PFAS: variants seen among roughly 807,000 people sequenced by gnomAD.
The protein encoded by PFAS is phosphoribosylformylglycinamidine synthase, also known as FGAM synthase.
In PFAS, 97 loss-of-function variants were observed where a neutral mutation model predicts 140.6. That is an observed-to-expected ratio of 0.69 (90% confidence interval 0.59 to 0.82). The LOEUF (loss-of-function observed/expected upper bound fraction) is 0.82, where lower values mean the gene tolerates loss of function less well. PFAS is among the 40% of genes least tolerant of loss of function. PFAS has a pLI of 0.00. For synonymous variants in PFAS, 679 were observed against 718.8 expected (o/e 0.94, Z 0.88); for missense variants, 1,656 against 1,780.2 (o/e 0.93, Z 1.26).
chr17:8,253,431 T>G (rs1312749866), intron 1 of PFAS, among the ~76,000 whole-genome samples: 1 of 152,224 alleles, frequency 6.6e-6, no homozygotes, highest in African/African-American at 2.4e-5. Flanking sequence ...TCAGGTTACC[T>G]TGTTTCTCTA....
In PFAS at chr17:8,267,442, C is replaced by G; in HGVS notation, c.3246C>G (p.Ala1082=). ...ATGGAGACCGGGAGATGGCCGATGCCTTCCACTTAGCTGGGTTTGAGGTGA... is the reference window on the plus strand; with the variant it reads ...ATGGAGACCGGGAGATGGCCGATGCGTTCCACTTAGCTGGGTTTGAGGTGA... ...GSNGDREMAD[A]FHLAGFEVWD... is the part of the protein sequence containing the mutation. Residue 1082 remains alanine, a synonymous_variant, in exon 25 of 28, where the codon GCC becomes GCG. Transcript: ENST00000314666. The surrounding 1 kb of genome is among the most constrained non-coding windows in gnomAD (Gnocchi z 4.9). 6.2e-7 allele frequency: 1 copy of G among 1,614,108 alleles called. No individual in the cohort carries two copies. Among genetic ancestry groups the G allele is most frequent in the Non-Finnish European group, 8.5e-7 (1 of 1,179,962 alleles).
At chr17:8,256,476 G>T in intron 7 of PFAS, 48 bp from the exon 8 acceptor site, 1 of 1,613,916 alleles carries the variant, frequency 6.2e-7, no homozygotes, top group Non-Finnish European at 8.5e-7. Flanking sequence ...GGTTGGGTTA[G>T]TGTAGGTCCC....
upstream of PFAS, chr17:8,247,987 G>T (rs1988911087): frequency 3.9e-6 from 6 of 1,557,846 alleles, no homozygotes; most frequent in Non-Finnish European, 5.2e-6. Flanking sequence ...AACAAGAGAC[G>T]TAATAGCAGC....
At chr17:8,258,830 T>TA (rs1214017422) in intron 11 of PFAS, among the ~76,000 whole-genome samples, 2 of 151,416 alleles carry the variant, frequency 1.3e-5, no homozygotes, top group East Asian at 1.9e-4. Context: ...ACTAAAAAAA[T>TA]AAAAAAATTA....
rs35050039 is a variant in PFAS at position 8,267,560 on chromosome 17, G to A, written c.3277G>A (p.Val1093Met). The change falls in exon 26 of 28, where the codon GTG becomes ATG. Residue 1093 changes from valine (V) to methionine (M), a missense_variant. Val to Met is a conservative substitution (Grantham distance 21). Coordinates refer to ENST00000314666, the MANE Select transcript of PFAS (RefSeq NM_012393.3). This position sits in a 1 kb window ranked among gnomAD's most constrained non-coding sequence, Gnocchi z 4.9. ...CTCCCCACCTTCGCAGGTATGGGAC[G>A]TGACCATGCAGGACCTCTGCTCTGG... ...FHLAGFEVWD[V>M]TMQDLCSGAI... 71 of 1,610,228 alleles carry A rather than the reference G, an allele frequency of 4.4e-5. No individual in the cohort carries two copies. Among genetic ancestry groups the A allele is most frequent in the Middle Eastern group, 1.6e-4 (1 of 6,082 alleles).
chr17:8,265,474 G>T lies in PFAS; in HGVS notation c.2461+6G>T. ...TGAGACCGTGCGGGCTCCTGGTGAG[G>T]TGTGGGAGCCCCAGGGAGGGGAGGA... On this transcript the variant is annotated splice_donor_region_variant and intron_variant, in intron 19 of 27. Coordinates refer to ENST00000314666, the MANE Select transcript of PFAS (RefSeq NM_012393.3). 6.2e-7 allele frequency: 1 copy of T among 1,613,526 alleles called. No individual in the cohort carries two copies. Among genetic ancestry groups the T allele is most frequent in the Non-Finnish European group, 8.5e-7 (1 of 1,179,504 alleles).
Position 8,256,247 on chromosome 17 carries a change from C to T in PFAS, c.681-20C>T, listed in dbSNP as rs753116264. 4.3e-6 allele frequency: 7 copies of T among 1,611,348 alleles called. No homozygotes were observed. The highest frequency in any genetic ancestry group is 5.9e-6 in the Non-Finnish European group (7 of 1,178,814). ...ACCCCGTTTCCACCTGCCTTCCCCT[C>T]CCTGCATCGCCCCCTGCAGCGAGCA... is the stretch of plus-strand genomic sequence containing the variant. On this transcript the variant is annotated intron_variant, in intron 6 of 27. Coordinates refer to ENST00000314666, the MANE Select transcript of PFAS (RefSeq NM_012393.3).
rs375671051 is a variant in PFAS at position 8,263,212 on chromosome 17, C to A, written c.1514C>A (p.Ala505Asp). The A allele has an allele frequency of 6.2e-7, 1 of 1,613,992 alleles. No homozygotes were observed. Among genetic ancestry groups the A allele is most frequent in the Non-Finnish European group, 8.5e-7 (1 of 1,179,922 alleles). Reference sequence around the variant, plus strand: ...CGTGTGATCAGGGCTTGTGTGGAGGCCCCCAAGGGAAACCCCATCTGCAGC... The same window carrying A: ...CGTGTGATCAGGGCTTGTGTGGAGGACCCCAAGGGAAACCCCATCTGCAGC... ...MNRVIRACVE[A>D]PKGNPICSLH... The change falls in exon 13 of 28, where the codon GCC becomes GAC. Residue 505 changes from alanine (A) to aspartate (D), a missense_variant. By Grantham distance (126) the Ala-to-Asp change is moderately radical (BLOSUM62 -2). Coordinates refer to ENST00000314666, the MANE Select transcript of PFAS (RefSeq NM_012393.3).
intron 1 of PFAS, among the ~76,000 whole-genome samples, chr17:8,252,971 G>A (rs1418091455): frequency 6.6e-6 from 1 of 152,166 alleles, no homozygotes; most frequent in African/African-American, 2.4e-5. Flanking sequence ...GAGATTAGTA[G>A]CTCATTCTTG....
At position 8,266,375 on chromosome 17, in the gene PFAS, C is replaced by A. The variant is rs778302612; in HGVS notation, c.2821+22C>A. The stretch of plus-strand genomic sequence containing the variant: ...GATGGTAAGGAACCTGGGGTCTAGT[C>A]TCAGGCCCGGGCTGCCTTCTCTACC... On this transcript the variant is annotated intron_variant, in intron 22 of 27. Transcript: ENST00000314666. This position sits in a 1 kb window ranked among gnomAD's most constrained non-coding sequence, Gnocchi z 5.0. 1 of 1,613,784 alleles carries A rather than the reference C, an allele frequency of 6.2e-7. No individual in the cohort carries two copies. The highest frequency in any genetic ancestry group is 8.5e-7 in the Non-Finnish European group (1 of 1,179,866).
rs758450767 is a variant in PFAS, at chr17:8,266,225, T to G, written c.2702-9T>G. On this transcript the variant is annotated splice_polypyrimidine_tract_variant and intron_variant, in intron 21 of 27. Coordinates refer to ENST00000314666, the MANE Select transcript of PFAS (RefSeq NM_012393.3). The surrounding 1 kb of genome is among the most constrained non-coding windows in gnomAD (Gnocchi z 5.0). The stretch of plus-strand genomic sequence containing the variant: ...CCGAGGTTGCTGAGCTTTCTTCTCC[T>G]TCCTCCAGACCGCCTCCTCTGCTCA... The G allele has an allele frequency of 7.0e-5, 113 of 1,613,588 alleles. 1 individual carries two copies. The South Asian group carries it at 1.2e-3, about 16-fold the overall frequency.
chr17:8,265,371 G>C lies in PFAS; in HGVS notation c.2364G>C (p.Met788Ile). Residue 788 changes from methionine to isoleucine, a missense_variant, in exon 19 of 28, where the codon ATG becomes ATC. Met to Ile is a conservative substitution (Grantham distance 10). Around this residue, in one of 2 missense-constraint regions of PFAS, gnomAD observed 883 missense variants for 1,023.0 expected, o/e 0.86. Coordinates refer to ENST00000314666, the MANE Select transcript of PFAS (RefSeq NM_012393.3). ...GAALADACEA[M>I]VAVMAALGVA... The stretch of plus-strand genomic sequence containing the variant: ...CTTTGGCGGATGCCTGTGAGGCTAT[G>C]GTGGCAGTGATGGCAGCCCTGGGTG... The C allele has an allele frequency of 6.2e-7, 1 of 1,614,204 alleles. No homozygotes were observed. Among genetic ancestry groups the C allele is most frequent in the Non-Finnish European group, 8.5e-7 (1 of 1,180,028 alleles).
rs1313256708 is a variant in PFAS, at chr17:8,267,983, T to A, written c.3382+318T>A. Among the ~76,000 whole-genome samples the A allele has an allele frequency of 6.9e-6, 1 of 144,216 alleles. No individual in the cohort carries two copies. Among genetic ancestry groups the A allele is most frequent in the Non-Finnish European group, 1.5e-5 (1 of 66,132 alleles). 94.6% of individuals were successfully genotyped at this position (144,216 alleles called of 152,430 possible). A position where few individuals can be genotyped will look rare whatever the true frequency, so the allele number is the denominator to read the frequency against. On this transcript the variant is annotated intron_variant, in intron 26 of 27. Transcript: ENST00000314666. The surrounding 1 kb of genome is among the most constrained non-coding windows in gnomAD (Gnocchi z 4.9). The stretch of plus-strand genomic sequence containing the variant: ...ATATATATTATTTATATATATTATT[T>A]ATATATTATTAAAATATATTATTTA...
At position 8,265,431 on chromosome 17, in the gene PFAS, G is replaced by C; in HGVS notation, c.2424G>C (p.Met808Ile). 1 of 1,614,190 alleles carries C rather than the reference G, an allele frequency of 6.2e-7. No individual in the cohort carries two copies. Among genetic ancestry groups the C allele is most frequent in the East Asian group, 2.2e-5 (1 of 44,880 alleles). Reference sequence around the variant, plus strand: ...ATGGTGGCAAGGACTCCCTCAGCATGGCTGCTCGGGTTGGCACTGAGACCG... The same window carrying C: ...ATGGTGGCAAGGACTCCCTCAGCATCGCTGCTCGGGTTGGCACTGAGACCG... ...AVDGGKDSLS[M>I]AARVGTETVR... Residue 808 changes from methionine to isoleucine, a missense_variant, in exon 19 of 28, where the codon ATG (methionine) becomes ATC (isoleucine). By Grantham distance (10) the Met-to-Ile change is conservative. Coordinates refer to ENST00000314666, the MANE Select transcript of PFAS (RefSeq NM_012393.3).
chr17:8,253,785 T>G (rs1989250219), intron 1 of PFAS, 74 bp from the exon 2 acceptor site: 1 of 1,106,756 alleles, frequency 9.0e-7, no homozygotes, highest in Non-Finnish European at 1.2e-6. Context: ...GCAATCCACC[T>G]GCCTCAGTCT....
chr17:8,256,582 C>T lies in PFAS; in HGVS notation c.880C>T (p.Arg294Cys), dbSNP rs548689526. The T allele has an allele frequency of 1.1e-5, 18 of 1,614,186 alleles. No homozygotes were observed. The highest frequency in any genetic ancestry group is 9.3e-5 in the African/African-American group (7 of 75,072). The stretch of plus-strand genomic sequence containing the variant: ...GCCTGAGGACCCCACACGGCCAAGC[C>T]GCTTCCAGCAACAGCAAGGGCTGAG... ...LRPEDPTRPS[R>C]FQQQQGLRHV... The change falls in exon 8 of 28, where the codon CGC (arginine) becomes TGC (cysteine). Residue 294 changes from arginine to cysteine, a missense_variant. This residue lies in a region of PFAS where 773 missense variants were observed against 757.3 expected (regional missense o/e 1.02). Coordinates refer to ENST00000314666, the MANE Select transcript of PFAS (RefSeq NM_012393.3).
At chr17:8,263,383 G>C in intron 13 of PFAS, 118 bp downstream of exon 13, 1 of 1,181,060 alleles carries the variant, frequency 8.5e-7, no homozygotes, top group Non-Finnish European at 1.2e-6. Flanking sequence ...CATTCTCCAT[G>C]CTCTGTACAT....
chr17:8,251,806 G>A (rs548482609), intron 1 of PFAS, among the ~76,000 whole-genome samples: 45 of 151,516 alleles, frequency 3.0e-4, no homozygotes, highest in African/African-American at 1.1e-3. Context: ...CGAGTAGCTG[G>A]GACTACAGGT....
chr17:8,247,927 G>A (rs1331378769), upstream of PFAS: 26 of 1,481,038 alleles, frequency 1.8e-5, no homozygotes, highest in Non-Finnish European at 2.3e-5. Flanking sequence ...GAGAGACAAG[G>A]CAGAGGAAAT....
Sources: gnomAD v4.1 joint callset for allele counts (sites outside exome capture counted in the v4.1 genomes callset) on GRCh38, gnomAD v4.1.1 for gene constraint, gnomAD v4.1.1 regional missense constraint, Gnocchi (gnomAD v3.1) non-coding constraint, MANE v1.5 for transcripts, NCBI Gene and HGNC (gene_info 2026-07-23, HGNC 2026-07-21) for gene names.